Variants in AKR1D1 observed in about 807,000 individuals in gnomAD.
AKR1D1 encodes the protein aldo-keto reductase family 1 member D1.
In AKR1D1, 32 loss-of-function variants were observed where a neutral mutation model predicts 42.6. The observed-to-expected ratio is 0.75, with a 90% CI of 0.57 to 1.01. AKR1D1 has a LOEUF of 1.01. AKR1D1 is among the 50% of genes least tolerant of loss of function. The pLI is 0.00. For missense variants in AKR1D1, 364 were observed against 402.2 expected (o/e 0.91, Z 0.81); for synonymous variants, 123 against 135.5 (o/e 0.91, Z 0.64).
intron 4 of AKR1D1, among the ~76,000 whole-genome samples, chr7:138,104,857 C>A (rs887528292): frequency 6.6e-6 from 1 of 152,048 alleles, no homozygotes; most frequent in African/African-American, 2.4e-5. Context: ...TTCCCCAGCT[C>A]AAGTGGATCC....
At chr7:138,113,492 C>T (rs1166226391) in intron 7 of AKR1D1, among the ~76,000 whole-genome samples, 198 bp from the exon 8 acceptor site, 1 of 152,026 alleles carries the variant, frequency 6.6e-6, no homozygotes, top group Non-Finnish European at 1.5e-5. Flanking sequence ...AAGATGTCCC[C>T]AGAAAGACCG....
chr7:138,076,620 A>AT lies in AKR1D1; in HGVS notation c.93+15dup, dbSNP rs1461806745. The AT allele has an allele frequency of 1.3e-6, 2 of 1,599,724 alleles. No homozygotes were observed. Among genetic ancestry groups the AT allele is most frequent in the East Asian group, 2.2e-5 (1 of 44,754 alleles). On this transcript the variant is annotated intron_variant, in intron 1 of 8. Transcript: ENST00000242375. The stretch of plus-strand genomic sequence containing the variant: ...ACTCAGAACCTAAATCGGTAAGCTT[A>AT]TTTTTTCTCTCTTTGCTTGCTTGTT...
At position 138,084,517 on chromosome 7, in the gene AKR1D1, A is replaced by C. The variant is rs189837247; in HGVS notation, c.94-4084A>C. Among the ~76,000 whole-genome samples the C allele has an allele frequency of 4.5e-3, 677 of 152,130 alleles. 2 individuals are homozygous for C. The highest frequency in any genetic ancestry group is 0.031 in the Middle Eastern group (9 of 294). On this transcript the variant is annotated intron_variant, in intron 1 of 8. Coordinates refer to ENST00000242375, the MANE Select transcript of AKR1D1 (RefSeq NM_005989.4). ...TACAGGTGTGTGCCACTGCGCCAGC[A>C]TAATCCAGCATTTTTAATTTTCTTA...
At position 138,116,709 on chromosome 7, in the gene AKR1D1, A is replaced by T. The variant is rs752643782; in HGVS notation, c.*47A>T. 9 of 1,543,588 alleles carry T rather than the reference A, an allele frequency of 5.8e-6. No individual in the cohort carries two copies. Among genetic ancestry groups the T allele is most frequent in the Non-Finnish European group, 7.2e-6 (8 of 1,115,870 alleles). ...ATTTTTCACTCCCACGAGTGCCAAG[A>T]CGGTGCAATGGGTAGTCCCCTAGAT... On this transcript the variant is annotated 3_prime_UTR_variant, in exon 9 of 9. Transcript: ENST00000242375.
rs371037201 is a variant in AKR1D1 at position 138,115,571 on chromosome 7, A to G, written c.939-1049A>G. On this transcript the variant is annotated intron_variant, in intron 8 of 8. Transcript: ENST00000242375. ...CTAGCAACTTCGGGGAAAAAAAAAT[A>G]ACTCTTACCAGGAAATAACTAGAAA... 8.5e-5 allele frequency among the ~76,000 whole-genome samples: 13 copies of G among 152,338 alleles called. No individual in the cohort carries two copies. In the East Asian group the frequency reaches 1.2e-3, roughly 14 times the overall value.
intron 1 of AKR1D1, among the ~76,000 whole-genome samples, chr7:138,087,192 G>A (rs1793947173): frequency 6.6e-6 from 1 of 152,162 alleles, no homozygotes; most frequent in African/African-American, 2.4e-5. Flanking sequence ...CTTGATTGCT[G>A]CATTCTCTGG....
chr7:138,101,822 T>C (rs1469771873), intron 4 of AKR1D1, among the ~76,000 whole-genome samples: 1 of 152,204 alleles, frequency 6.6e-6, no homozygotes, highest in Non-Finnish European at 1.5e-5. Flanking sequence ...TGTTCCTTGA[T>C]CAGAATATCA....
chr7:138,105,211 A>T (rs1794396256), intron 4 of AKR1D1, 96 bp from the exon 5 acceptor site: 1 of 1,558,318 alleles, frequency 6.4e-7, no homozygotes, highest in African/African-American at 1.4e-5. Flanking sequence ...ATACCCAGGA[A>T]CTTTCCTTTT....
At position 138,104,561 on chromosome 7, in the gene AKR1D1, G is replaced by A. The variant is rs946655363; in HGVS notation, c.457-746G>A. 2.0e-5 allele frequency among the ~76,000 whole-genome samples: 3 copies of A among 151,860 alleles called. No homozygotes were observed. In the East Asian group the frequency reaches 5.8e-4, roughly 29 times the overall value. On this transcript the variant is annotated intron_variant, in intron 4 of 8. Coordinates refer to ENST00000242375, the MANE Select transcript of AKR1D1 (RefSeq NM_005989.4). ...AAAAATATAAAACTAGCCGGGCGTGGTGGTGCATGCCTGTAATCCCAGCTA... is the reference window on the plus strand; with the variant it reads ...AAAAATATAAAACTAGCCGGGCGTGATGGTGCATGCCTGTAATCCCAGCTA...
chr7:138,087,805 A>G (rs1218565588), intron 1 of AKR1D1, among the ~76,000 whole-genome samples: 1 of 152,056 alleles, frequency 6.6e-6, no homozygotes, highest in Non-Finnish European at 1.5e-5. Context: ...TAAAGTATTT[A>G]TTCTTTTTGG....
intron 1 of AKR1D1, among the ~76,000 whole-genome samples, chr7:138,081,961 G>T (rs1417284994): frequency 1.3e-5 from 2 of 152,144 alleles, no homozygotes; most frequent in Non-Finnish European, 2.9e-5. Context: ...CCTACCAAGT[G>T]ATATTCACTG....
In AKR1D1 at chr7:138,113,875, G is replaced by C. The variant is rs1040076521; in HGVS notation, c.938+103G>C. The C allele has an allele frequency of 1.1e-5, 11 of 1,030,910 alleles. No homozygotes were observed. In the Admixed American group the frequency reaches 1.3e-4, roughly 12 times the overall value. 63.9% of individuals were successfully genotyped at this position (1,030,910 alleles called of 1,614,324 possible). A position where few individuals can be genotyped will look rare whatever the true frequency, so the allele number is the denominator to read the frequency against. On this transcript the variant is annotated intron_variant, in intron 8 of 8. Coordinates refer to ENST00000242375, the MANE Select transcript of AKR1D1 (RefSeq NM_005989.4). ...ACCCTGACCTATGTCCATAGCACCA[G>C]GGCAAAGCATGGTGGGCCGCATATT...
At chr7:138,099,623 A>G (rs972387356) in intron 4 of AKR1D1, among the ~76,000 whole-genome samples, 1 of 152,014 alleles carries the variant, frequency 6.6e-6, no homozygotes, top group Non-Finnish European at 1.5e-5. Context: ...ATATGAAAGA[A>G]AAGCTAAGAA....
At chr7:138,088,508 T>C (rs769327163) in intron 1 of AKR1D1, 93 bp from the exon 2 acceptor site, 48 of 1,393,984 alleles carry the variant, frequency 3.4e-5, no homozygotes, top group Non-Finnish European at 4.5e-5. Flanking sequence ...ATTTTAGCTG[T>C]AAAGGAATGT....
chr7:138,096,699 T>C (rs1218588500), intron 3 of AKR1D1, among the ~76,000 whole-genome samples: 11 of 152,198 alleles, frequency 7.2e-5, no homozygotes, highest in Admixed American at 7.2e-4. Context: ...TACCACCTTC[T>C]TCTGTAAACA....
Position 138,117,243 on chromosome 7 carries a change from G to A in AKR1D1, c.*581G>A, listed in dbSNP as rs1435429958. The A allele has an allele frequency of 6.5e-6, 1 of 153,154 alleles. No individual in the cohort carries two copies. The highest frequency in any genetic ancestry group is 1.5e-5 in the Non-Finnish European group (1 of 68,412). The allele number at this position is 153,154 out of a possible 1,614,324, so 9.5% of individuals were successfully genotyped here. A position where few individuals can be genotyped will look rare whatever the true frequency, so the allele number is the denominator to read the frequency against. The stretch of plus-strand genomic sequence containing the variant: ...CAAAGCCATCATAATGTTGGTGTTT[G>A]TTTCCCTCCAATGTATGTATGTTTA... On this transcript the variant is annotated 3_prime_UTR_variant, in exon 9 of 9. Coordinates refer to ENST00000242375, the MANE Select transcript of AKR1D1 (RefSeq NM_005989.4).
intron 7 of AKR1D1, among the ~76,000 whole-genome samples, chr7:138,113,465 C>T (rs1490539264): frequency 1.3e-5 from 2 of 152,118 alleles, no homozygotes; most frequent in Non-Finnish European, 2.9e-5. Context: ...GGTTTCAGAG[C>T]ATTTGGAATT....
At chr7:138,087,658 A>G (rs1223271816) in intron 1 of AKR1D1, among the ~76,000 whole-genome samples, 1 of 152,140 alleles carries the variant, frequency 6.6e-6, no homozygotes, top group Non-Finnish European at 1.5e-5. Flanking sequence ...TATCAACTCT[A>G]TAAGCTTCCT....
chr7:138,116,812 A>G lies in AKR1D1; in HGVS notation c.*150A>G, dbSNP rs1389066091. Reference sequence around the variant, plus strand: ...ACATGTTTAATGTTTGTGCAGTGTAAATGACTTTGACTCAGTCACATTGAA... The same window carrying G: ...ACATGTTTAATGTTTGTGCAGTGTAGATGACTTTGACTCAGTCACATTGAA... On this transcript the variant is annotated 3_prime_UTR_variant, in exon 9 of 9. Transcript: ENST00000242375. The G allele has an allele frequency of 1.5e-6, 1 of 687,152 alleles. No homozygotes were observed. Among genetic ancestry groups the G allele is most frequent in the East Asian group, 2.6e-5 (1 of 38,990 alleles). 42.6% of individuals were successfully genotyped at this position (687,152 alleles called of 1,614,324 possible).
Sources: gnomAD v4.1 joint callset for allele counts (sites outside exome capture counted in the v4.1 genomes callset) on GRCh38, gnomAD v4.1.1 for gene constraint, MANE v1.5 for transcripts, NCBI Gene and HGNC (gene_info 2026-07-23, HGNC 2026-07-21) for gene names.